VPS13D: variants seen among roughly 807,000 people sequenced by gnomAD.
VPS13D encodes the protein intermembrane lipid transfer protein VPS13D.
A neutral mutation model predicts 461.9 loss-of-function variants in VPS13D; 187 were observed. The ratio of observed to expected loss-of-function variants is 0.40; its 90% confidence interval spans 0.36 to 0.46. The LOEUF (loss-of-function observed/expected upper bound fraction) is 0.46, where lower values mean the gene tolerates loss of function less well. Ranked by LOEUF, VPS13D falls within the 20% of genes least tolerant of loss-of-function variation. The probability of loss-of-function intolerance (pLI) is 0.60; values close to 1 mark genes in which losing one functional copy is unlikely to be tolerated. For synonymous variants in VPS13D, 1,951 were observed against 1,986.3 expected (o/e 0.98, Z 0.47); for missense variants, 4,711 against 5,364.9 (o/e 0.88, Z 3.81).
At chr1:12,413,966 G>T (rs920680201) in intron 63 of VPS13D, among the ~76,000 whole-genome samples, 2 of 152,092 alleles carry the variant, frequency 1.3e-5, no homozygotes, top group Non-Finnish European at 2.9e-5. Flanking sequence ...ATATGTCCAA[G>T]AAAAATGCAT....
intron 42 of VPS13D, among the ~76,000 whole-genome samples, chr1:12,343,858 T>TG (rs1448708682): frequency 1.3e-5 from 2 of 152,246 alleles, no homozygotes; most frequent in Non-Finnish European, 2.9e-5. Context: ...ATTGGTGATA[T>TG]GGTATTCTTA....
At position 12,455,538 on chromosome 1, in the gene VPS13D, T is replaced by C. The variant is rs372718180; in HGVS notation, c.12334-460T>C. On this transcript the variant is annotated intron_variant, in intron 65 of 69. Coordinates refer to ENST00000620676, the MANE Select transcript of VPS13D (RefSeq NM_015378.4). ...GTCCTCCATTGTATGCATCCCCCAA[T>C]TGGTATGTGTCCAGTCCTTTTGAGA... is the stretch of plus-strand genomic sequence containing the variant. 2.6e-4 allele frequency among the ~76,000 whole-genome samples: 40 copies of C among 152,298 alleles called. 3 individuals are homozygous for C. The highest frequency in any genetic ancestry group is 2.1e-3 in the Admixed American group (32 of 15,280).
intron 67 of VPS13D, among the ~76,000 whole-genome samples, chr1:12,471,722 G>GC (rs1000234233): frequency 6.6e-6 from 1 of 152,042 alleles, no homozygotes; most frequent in African/African-American, 2.4e-5. Flanking sequence ...TCCCAGTGAA[G>GC]CCCCCCACCC....
chr1:12,332,264 T>C (rs1001739111), intron 37 of VPS13D, among the ~76,000 whole-genome samples: 1 of 152,238 alleles, frequency 6.6e-6, no homozygotes, highest in Non-Finnish European at 1.5e-5. Context: ...CTGCTTATAG[T>C]ATAGTATTCC....
At chr1:12,310,113 T>G (rs960122211) in intron 27 of VPS13D, among the ~76,000 whole-genome samples, 3 of 152,170 alleles carry the variant, frequency 2.0e-5, no homozygotes, top group South Asian at 2.1e-4. Flanking sequence ...AAAAAAAAGC[T>G]TTCCTATTCA....
intron 39 of VPS13D, chr1:12,337,018 CT>C (rs1449139492): frequency 1.3e-5 from 2 of 152,200 alleles, no homozygotes; most frequent in Non-Finnish European, 2.9e-5. Flanking sequence ...TTGTCCCTCT[CT>C]TTCTTCTTTC....
intron 47 of VPS13D, 80 bp from the exon 48 acceptor site, chr1:12,355,819 G>T (rs2101602411): frequency 7.2e-7 from 1 of 1,380,494 alleles, no homozygotes; most frequent in Non-Finnish European, 9.6e-7. Flanking sequence ...TTTTCCAAAA[G>T]GAATCCAATT....
chr1:12,345,158 A>T, intron 42 of VPS13D: 1 of 484,570 alleles, frequency 2.1e-6, no homozygotes, highest in Non-Finnish European at 3.7e-6. Context: ...TGCCACTCTT[A>T]CTCAGTCAAG....
chr1:12,241,334 G>A (rs140253345), intron 2 of VPS13D, among the ~76,000 whole-genome samples: 295 of 152,302 alleles, frequency 1.9e-3, no homozygotes, highest in Non-Finnish European at 3.5e-3. Context: ...TTTGTACTTG[G>A]AGTAAAAGGC....
chr1:12,421,225 C>A (rs1367845009), intron 65 of VPS13D, among the ~76,000 whole-genome samples: 1 of 152,188 alleles, frequency 6.6e-6, no homozygotes, highest in Non-Finnish European at 1.5e-5. Flanking sequence ...CCATGACTCC[C>A]CTGCCTGGGT....
rs911468627 is a variant in VPS13D at position 12,495,815 on chromosome 1, C to T, written c.12663-1685C>T. Among the ~76,000 whole-genome samples, 31 of 152,152 alleles carry T rather than the reference C, an allele frequency of 2.0e-4. No homozygotes were observed. The highest frequency in any genetic ancestry group is 7.0e-4 in the African/African-American group (29 of 41,428). Reference sequence around the variant, plus strand: ...CCCTGGGGAAAGGATACTTTATTAGCCTGTGTAGGCAGTTATTGGAATGAC... The same window carrying T: ...CCCTGGGGAAAGGATACTTTATTAGTCTGTGTAGGCAGTTATTGGAATGAC... On this transcript the variant is annotated intron_variant, in intron 67 of 69. Transcript: ENST00000620676. The surrounding 1 kb of genome is among the most constrained non-coding windows in gnomAD (Gnocchi z 4.0).
chr1:12,351,146 C>G (rs1306666785), intron 46 of VPS13D, among the ~76,000 whole-genome samples: 2 of 152,178 alleles, frequency 1.3e-5, no homozygotes, highest in Non-Finnish European at 2.9e-5. Flanking sequence ...CACAAGATCT[C>G]TCAGAAAATA....
intron 3 of VPS13D, among the ~76,000 whole-genome samples, chr1:12,244,002 T>C (rs925133330): frequency 1.2e-4 from 18 of 152,330 alleles, no homozygotes; most frequent in African/African-American, 4.1e-4. Flanking sequence ...GGGATGTTAC[T>C]GTTGATGTGG....
chr1:12,421,211 T>C (rs931545282), intron 65 of VPS13D, among the ~76,000 whole-genome samples: 2 of 152,216 alleles, frequency 1.3e-5, no homozygotes, highest in Non-Finnish European at 2.9e-5. Flanking sequence ...TGTGAGCATC[T>C]AACCCATGAC....
intron 61 of VPS13D, 46 bp downstream of exon 61, chr1:12,400,376 T>C (rs1360829683): frequency 6.2e-7 from 1 of 1,603,186 alleles, no homozygotes; most frequent in East Asian, 2.2e-5. Context: ...TGCTGGAACG[T>C]TGATTTGTTC....
At chr1:12,252,327 T>C (rs1434930258) in intron 6 of VPS13D, among the ~76,000 whole-genome samples, 2 of 152,176 alleles carry the variant, frequency 1.3e-5, no homozygotes, top group East Asian at 3.8e-4. Flanking sequence ...TTCATCCACA[T>C]GTACCAATAC....
chr1:12,250,761 G>A (rs1242258144), intron 6 of VPS13D, among the ~76,000 whole-genome samples: 1 of 152,266 alleles, frequency 6.6e-6, no homozygotes, highest in Non-Finnish European at 1.5e-5. Context: ...AACCTGGGTG[G>A]ACCAGCTCTA....
At chr1:12,385,112 C>T in intron 58 of VPS13D, 148 bp from the exon 59 acceptor site, 1 of 637,498 alleles carries the variant, frequency 1.6e-6, no homozygotes, top group East Asian at 3.0e-5. Context: ...TTACACAAAT[C>T]TTACCTTACC....
intron 60 of VPS13D, among the ~76,000 whole-genome samples, chr1:12,394,154 G>A (rs1050880820): frequency 6.6e-6 from 1 of 152,124 alleles, no homozygotes; most frequent in Non-Finnish European, 1.5e-5. Flanking sequence ...AAGGGGATCC[G>A]GCCTCCCCTT....
Sources: gnomAD v4.1 joint callset for allele counts (sites outside exome capture counted in the v4.1 genomes callset) on GRCh38, gnomAD v4.1.1 for gene constraint, Gnocchi (gnomAD v3.1) non-coding constraint, MANE v1.5 for transcripts, NCBI Gene and HGNC (gene_info 2026-07-23, HGNC 2026-07-21) for gene names.